KCNT2: variants seen among roughly 807,000 people sequenced by gnomAD.
The protein encoded by KCNT2 is potassium channel subfamily T member 2.
Under a neutral mutation model 153.8 loss-of-function variants are expected in KCNT2, and 67 were observed. That is an observed-to-expected ratio of 0.44 (90% confidence interval 0.36 to 0.53). The LOEUF is 0.53. Among genes scored for constraint, KCNT2 ranks in the 20% least tolerant of loss-of-function variants. KCNT2 has a pLI of 0.00. For missense variants in KCNT2, 975 were observed against 1,354.8 expected, an observed-to-expected ratio of 0.72 and a Z score of 4.40; for synonymous variants, 500 against 458.8, an observed-to-expected ratio of 1.09 and a Z score of -1.15.
intron 3 of KCNT2, among the ~76,000 whole-genome samples, chr1:196,483,080 C>A (rs1572603189): frequency 6.6e-6 from 1 of 152,118 alleles, no homozygotes; most frequent in Non-Finnish European, 1.5e-5. Flanking sequence ...CAGCAATATA[C>A]CCTATTCAGG....
At chr1:196,289,622 T>C (rs568327389) in intron 22 of KCNT2, among the ~76,000 whole-genome samples, 1 of 152,250 alleles carries the variant, frequency 6.6e-6, no homozygotes, top group African/African-American at 2.4e-5. Context: ...ATTTTGTCAC[T>C]TTGGTTATTT....
At chr1:196,319,626 T>C (rs1344853014) in intron 19 of KCNT2, 71 bp from the exon 20 acceptor site, 10 of 962,360 alleles carry the variant, frequency 1.0e-5, no homozygotes, top group Non-Finnish European at 1.6e-5. Flanking sequence ...GGAAAGGAAG[T>C]AAGTTGACTT....
At chr1:196,238,396 T>C (rs1571751842) in intron 26 of KCNT2, among the ~76,000 whole-genome samples, 1 of 151,968 alleles carries the variant, frequency 6.6e-6, no homozygotes, top group Non-Finnish European at 1.5e-5. Context: ...AACCACGGAA[T>C]TGGAGCAAGC....
At chr1:196,295,344 CAAAT>C (rs1000557591) in intron 22 of KCNT2, among the ~76,000 whole-genome samples, 8 of 151,462 alleles carry the variant, frequency 5.3e-5, no homozygotes, top group South Asian at 2.1e-4. Flanking sequence ...CTTAAAAACA[CAAAT>C]AAAGGTAAGT....
intron 12 of KCNT2, among the ~76,000 whole-genome samples, chr1:196,401,709 T>C (rs374714990): frequency 2.6e-5 from 4 of 151,408 alleles, no homozygotes; most frequent in African/African-American, 9.7e-5. Flanking sequence ...GGTAAAAAGG[T>C]CTTACATAAT....
At position 196,438,058 on chromosome 1, in the gene KCNT2, TTAA is replaced by T. The variant is rs1378364236; in HGVS notation, c.639-8304_639-8302del. Among the ~76,000 whole-genome samples the T allele has an allele frequency of 2.6e-5, 4 of 151,778 alleles. No individual in the cohort carries two copies. The South Asian group carries it at 6.2e-4, about 24-fold the overall frequency. ...GCTCCTCAAATGAAAAGCAAATATA[TTAA>T]TAATAATATTAACTTCCCATTGGCT... On this transcript the variant is annotated intron_variant, in intron 8 of 27. Transcript: ENST00000294725.
chr1:196,411,083 T>C (rs866995047), intron 12 of KCNT2, among the ~76,000 whole-genome samples: 8 of 50,992 alleles, frequency 1.6e-4, no homozygotes, highest in South Asian at 1.1e-3. Context: ...CCTTCCTTCC[T>C]TCCTTCCTTC....
At chr1:196,366,825 CA>C (rs1249508231) in intron 14 of KCNT2, among the ~76,000 whole-genome samples, 1 of 152,112 alleles carries the variant, frequency 6.6e-6, no homozygotes, top group Non-Finnish European at 1.5e-5. Context: ...CACCTGAAAT[CA>C]TTCTGTCACA....
chr1:196,564,610 T>C (rs1189901515), intron 1 of KCNT2, among the ~76,000 whole-genome samples: 2 of 151,834 alleles, frequency 1.3e-5, no homozygotes, highest in Non-Finnish European at 2.9e-5. Context: ...ACCACAAAGC[T>C]ATAGTAATCA....
rs183219888 is a variant in KCNT2, at chr1:196,348,891, A to C, written c.1404-6663T>G. Among the ~76,000 whole-genome samples, 520 of 152,068 alleles carry C rather than the reference A, an allele frequency of 3.4e-3. 4 individuals carry two copies. Among genetic ancestry groups the C allele is most frequent in the African/African-American group, 0.012 (502 of 41,502 alleles). On this transcript the variant is annotated intron_variant, in intron 14 of 27. Transcript: ENST00000294725. ...AAATACAAAACAAAACAAAACAAAA[A>C]AAATGCCTGGGCGTGGTGGTGCATG... is the stretch of plus-strand genomic sequence containing the variant.
intron 8 of KCNT2, among the ~76,000 whole-genome samples, chr1:196,433,506 G>T (rs1256782557): frequency 6.6e-6 from 1 of 151,752 alleles, no homozygotes; most frequent in African/African-American, 2.4e-5. Flanking sequence ...TTGAGGTGAT[G>T]GTATATATCT....
chr1:196,321,341 G>C (rs1431158398), intron 19 of KCNT2, among the ~76,000 whole-genome samples: 3 of 151,776 alleles, frequency 2.0e-5, no homozygotes, highest in Non-Finnish European at 2.9e-5. Flanking sequence ...AAATCCCTTC[G>C]CCTGTGTCTT....
At chr1:196,523,071 G>A (rs963985338) in intron 1 of KCNT2, among the ~76,000 whole-genome samples, 1 of 152,130 alleles carries the variant, frequency 6.6e-6, no homozygotes, top group African/African-American at 2.4e-5. Flanking sequence ...CTACCTTTTT[G>A]AGCTGTAACA....
intron 1 of KCNT2, among the ~76,000 whole-genome samples, chr1:196,547,090 G>A (rs1341367647): frequency 2.6e-5 from 4 of 151,896 alleles, no homozygotes. Context: ...CTAGTAAAAA[G>A]ACAACGTATT....
intron 1 of KCNT2, among the ~76,000 whole-genome samples, chr1:196,540,178 C>T (rs1450954950): frequency 6.6e-6 from 1 of 152,048 alleles, no homozygotes; most frequent in Admixed American, 6.6e-5. Context: ...AAAGAATATG[C>T]ACTTTTACAT....
chr1:196,241,973 A>G (rs985005670), intron 26 of KCNT2, among the ~76,000 whole-genome samples: 1 of 152,112 alleles, frequency 6.6e-6, no homozygotes. Flanking sequence ...GCAAACATGA[A>G]CAATTAGTCT....
At chr1:196,317,010 T>C (rs1243545503) in intron 20 of KCNT2, among the ~76,000 whole-genome samples, 1 of 151,756 alleles carries the variant, frequency 6.6e-6, no homozygotes, top group African/African-American at 2.4e-5. Context: ...TAAAGAGCAG[T>C]AGTTTCTCTT....
intron 1 of KCNT2, among the ~76,000 whole-genome samples, chr1:196,495,474 T>G (rs958313660): frequency 3.3e-5 from 5 of 152,096 alleles, no homozygotes; most frequent in Admixed American, 2.6e-4. Flanking sequence ...TAAACTGGTT[T>G]CATCTCCTCC....
chr1:196,480,138 A>G (rs1206083939), intron 4 of KCNT2, among the ~76,000 whole-genome samples: 14 of 152,120 alleles, frequency 9.2e-5, no homozygotes, highest in Admixed American at 9.2e-4. Flanking sequence ...TAATAAAATT[A>G]TTCTGTGTTA....
Sources: gnomAD v4.1 joint callset for allele counts (sites outside exome capture counted in the v4.1 genomes callset) on GRCh38, gnomAD v4.1.1 for gene constraint, MANE v1.5 for transcripts, NCBI Gene and HGNC (gene_info 2026-07-23, HGNC 2026-07-21) for gene names.